The following WDR54 variants were observed in gnomAD, a reference collection of about 807,000 sequenced individuals.
WDR54 encodes the protein WD repeat-containing protein 54.
Under a neutral mutation model 44.1 loss-of-function variants are expected in WDR54, and 44 were observed. That is an observed-to-expected ratio of 1.00 (90% CI 0.78 to 1.28). The LOEUF (loss-of-function observed/expected upper bound fraction) is 1.28. Among genes scored for constraint, WDR54 ranks in the 50% most tolerant of loss-of-function variants. The pLI is 0.00. For synonymous variants in WDR54, 169 were observed against 169.8 expected, an observed-to-expected ratio of 1.00 and a Z score of 0.04; for missense variants, 409 against 429.7, an observed-to-expected ratio of 0.95 and a Z score of 0.43.
Position 74,424,895 on chromosome 2 carries a change from G to A in WDR54, c.555G>A (p.Val185=). ...TTCAGGATTGTGTGGCTGACATGGT[G>A]ACGGCAGATGACTCAGGCTTGCTGT... The part of the protein sequence containing the change: ...AQGQDCVADM[V]TADDSGLLCV... Residue 185 remains valine, a synonymous_variant, in exon 7 of 10, where the codon GTG becomes GTA. Transcript: ENST00000348227. 1 of 1,614,210 alleles carries A rather than the reference G, an allele frequency of 6.2e-7. No individual in the cohort carries two copies. Among genetic ancestry groups the A allele is most frequent in the Non-Finnish European group, 8.5e-7 (1 of 1,180,034 alleles).
chr2:74,422,888 C>T lies in WDR54; in HGVS notation c.241C>T (p.Pro81Ser). ...CCTCCAGGTCCACTGGTGTGTCCTC[C>T]CCTTCCGAGTGCTGCTGGTACTCAC... is the stretch of plus-strand genomic sequence containing the variant. Reference protein sequence around the residue: ...LITQVHWCVLPFRVLLVLTSH... With the variant: ...LITQVHWCVLSFRVLLVLTSH... The change falls in exon 3 of 10, where the codon CCC (proline) becomes TCC (serine). Residue 81 changes from proline (P) to serine (S), a missense_variant. By Grantham distance (74) the Pro-to-Ser change is moderately conservative. Transcript: ENST00000348227. 6.2e-7 allele frequency: 1 copy of T among 1,614,096 alleles called. No individual in the cohort carries two copies. Among genetic ancestry groups the T allele is most frequent in the Non-Finnish European group, 8.5e-7 (1 of 1,180,024 alleles).
intron 6 of WDR54, among the ~76,000 whole-genome samples, chr2:74,424,624 A>C (rs1352485982): frequency 6.6e-6 from 1 of 152,152 alleles, no homozygotes; most frequent in Non-Finnish European, 1.5e-5. Flanking sequence ...CAGTGAGGCA[A>C]TTATGCACCC....
At chr2:74,423,298 G>A in intron 3 of WDR54, 21 bp from the exon 4 acceptor site, 1 of 1,612,876 alleles carries the variant, frequency 6.2e-7, no homozygotes, top group Non-Finnish European at 8.5e-7. Context: ...ATGCCCCCTG[G>A]TTCTTGCCCC....
At chr2:74,423,640 A>C in intron 5 of WDR54, 109 bp downstream of exon 5, 3 of 1,501,120 alleles carry the variant, frequency 2.0e-6, no homozygotes, top group Non-Finnish European at 2.7e-6. Context: ...GAAGGGTGGA[A>C]GTGGAGTGGA....
In WDR54 at chr2:74,424,887, G is replaced by A. The variant is rs148197648; in HGVS notation, c.547G>A (p.Asp183Asn). 1.1e-5 allele frequency: 18 copies of A among 1,614,078 alleles called. No individual in the cohort carries two copies. The African/African-American group carries it at 2.4e-4, about 22-fold the overall frequency. The change falls in exon 7 of 10, where the codon GAC becomes AAC. Residue 183 changes from aspartate (D) to asparagine (N), a missense_variant. Transcript: ENST00000348227. ...EPAQGQDCVA[D>N]MVTADDSGLL... ...CCTTTCCCTTCAGGATTGTGTGGCT[G>A]ACATGGTGACGGCAGATGACTCAGG... is the stretch of plus-strand genomic sequence containing the variant.
At position 74,423,949 on chromosome 2, in the gene WDR54, C is replaced by T. The variant is rs762712303; in HGVS notation, c.501C>T (p.Ile167=). 3.7e-6 allele frequency: 6 copies of T among 1,614,134 alleles called. No individual in the cohort carries two copies. Among genetic ancestry groups the T allele is most frequent in the Non-Finnish European group, 5.1e-6 (6 of 1,180,026 alleles). Residue 167 remains isoleucine, a synonymous_variant, in exon 6 of 10, where the codon ATC becomes ATT. Coordinates refer to ENST00000348227, the MANE Select transcript of WDR54 (RefSeq NM_032118.4). ...SEELAGHQMP[I]TDIATEPAQG... ...AGCTGGCTGGGCACCAGATGCCAATCACAGACATTGCCACCGAGCCTGCCC... is the reference window on the plus strand; with the variant it reads ...AGCTGGCTGGGCACCAGATGCCAATTACAGACATTGCCACCGAGCCTGCCC...
chr2:74,422,060 C>T, intron 1 of WDR54, 93 bp from the exon 2 acceptor site: 1 of 1,322,122 alleles, frequency 7.6e-7, no homozygotes, highest in Non-Finnish European at 1.1e-6. Flanking sequence ...CAGTCTCAGG[C>T]ATCTTCCGAA....
At chr2:74,425,370 A>T in intron 8 of WDR54, 47 bp from the exon 9 acceptor site, 1 of 1,610,726 alleles carries the variant, frequency 6.2e-7, no homozygotes, top group Non-Finnish European at 8.5e-7. Context: ...TCCAGCTTAT[A>T]GCTGTCCCGT....
Position 74,422,283 on chromosome 2 carries a change from C to T in WDR54, c.130C>T (p.Leu44Phe), listed in dbSNP as rs999059111. Residue 44 changes from leucine to phenylalanine, a missense_variant, in exon 2 of 10, where the codon CTT (leucine) becomes TTT (phenylalanine). Physicochemically the swap from Leu to Phe is conservative, Grantham distance 22. Coordinates refer to ENST00000348227, the MANE Select transcript of WDR54 (RefSeq NM_032118.4). ...FGVVHGPSAQ[L>F]LSAAPEGVPL... The stretch of plus-strand genomic sequence containing the variant: ...CGTGGTTCATGGACCAAGCGCCCAG[C>T]TTCTCAGCGCTGCTCCTGAGGGTGT... The T allele has an allele frequency of 2.5e-6, 4 of 1,614,220 alleles. No individual in the cohort carries two copies. Among genetic ancestry groups the T allele is most frequent in the Admixed American group, 3.3e-5 (2 of 60,034 alleles).
intron 6 of WDR54, 67 bp from the exon 7 acceptor site, chr2:74,424,808 C>T: frequency 1.3e-6 from 2 of 1,597,406 alleles, no homozygotes; most frequent in Non-Finnish European, 1.7e-6. Context: ...CTCCCTTCCC[C>T]TCCTGCCCTG....
chr2:74,425,610 T>C lies in WDR54; in HGVS notation c.914T>C (p.Leu305Pro), dbSNP rs1417680900. Residue 305 changes from leucine to proline, a missense_variant, in exon 10 of 10, where the codon CTG (leucine) becomes CCG (proline). Leu to Pro is a moderately conservative substitution (Grantham distance 98). Coordinates refer to ENST00000348227, the MANE Select transcript of WDR54 (RefSeq NM_032118.4). ...GGTGAGTGTGTCGCCGACACCCAGCTGTGTGGTGCTCGATTTTGTGATTCC... is the reference window on the plus strand; with the variant it reads ...GGTGAGTGTGTCGCCGACACCCAGCCGTGTGGTGCTCGATTTTGTGATTCC... ...CHGECVADTQ[L>P]CGARFCDSSG... 6.2e-7 allele frequency: 1 copy of C among 1,614,220 alleles called. No homozygotes were observed. The highest frequency in any genetic ancestry group is 1.1e-5 in the South Asian group (1 of 91,088).
chr2:74,424,144 C>T (rs1670250939), intron 6 of WDR54, among the ~76,000 whole-genome samples, 162 bp downstream of exon 6: 1 of 152,244 alleles, frequency 6.6e-6, no homozygotes, highest in Non-Finnish European at 1.5e-5. Flanking sequence ...GCCAGAGATA[C>T]TTTACATTTA....
rs770652827 is a variant in WDR54, at chr2:74,425,068, C to G, written c.636-7C>G. 11 of 1,609,602 alleles carry G rather than the reference C, an allele frequency of 6.8e-6. No individual in the cohort carries two copies. Among genetic ancestry groups the G allele is most frequent in the Non-Finnish European group, 9.4e-6 (11 of 1,176,422 alleles). ...GGGCAAAACAAAGTTGGGTGTCACC[C>G]TTGCAGAGTTCCGTGCCCCTCTGTG... On this transcript the variant is annotated splice_polypyrimidine_tract_variant and splice_region_variant and intron_variant, in intron 7 of 9. Coordinates refer to ENST00000348227, the MANE Select transcript of WDR54 (RefSeq NM_032118.4).
At chr2:74,425,024 G>C in intron 7 of WDR54, 49 bp downstream of exon 7, 1 of 1,614,092 alleles carries the variant, frequency 6.2e-7, no homozygotes, top group Non-Finnish European at 8.5e-7. Flanking sequence ...GCTTCAGGCT[G>C]GGGAGTAGGA....
In WDR54 at chr2:74,422,867, C is replaced by T. The variant is rs968290835; in HGVS notation, c.223-3C>T. 1 of 1,613,944 alleles carries T rather than the reference C, an allele frequency of 6.2e-7. No homozygotes were observed. The highest frequency in any genetic ancestry group is 8.5e-7 in the Non-Finnish European group (1 of 1,179,842). On this transcript the variant is annotated splice_polypyrimidine_tract_variant and splice_region_variant and intron_variant, in intron 2 of 9. Coordinates refer to ENST00000348227, the MANE Select transcript of WDR54 (RefSeq NM_032118.4). The stretch of plus-strand genomic sequence containing the variant: ...CTCCCTACACTGATGCACCTCCCTC[C>T]AGGTCCACTGGTGTGTCCTCCCCTT...
chr2:74,425,283 G>T, intron 8 of WDR54, 46 bp downstream of exon 8: 1 of 1,537,058 alleles, frequency 6.5e-7, no homozygotes, highest in South Asian at 1.3e-5. Context: ...CCTGGCAGTG[G>T]AATGTTGAGA....
In WDR54 at chr2:74,424,959, C is replaced by T. The variant is rs150243972; in HGVS notation, c.619C>T (p.Arg207Cys). The T allele has an allele frequency of 3.1e-3, 4,925 of 1,614,192 alleles. 210 individuals are homozygous for T. In the Admixed American group the frequency reaches 0.076, roughly 25 times the overall value. ...AGGGCCAGAATTCACATTATTGACC[C>T]GCATTCCAGGATTTGGGTAGGTGAG... ...RSGPEFTLLT[R>C]IPGFGVPCPS... Residue 207 changes from arginine (R) to cysteine (C), a missense_variant, in exon 7 of 10, where the codon CGC becomes TGC. Transcript: ENST00000348227.
rs1255375341 is a variant in WDR54, at chr2:74,423,359, C to T, written c.326C>T (p.Ala109Val). ...SNGYTMVYWH[A>V]LDSGDASPVQ... The stretch of plus-strand genomic sequence containing the variant: ...GGCTACACCATGGTCTACTGGCATG[C>T]ACTGGACTCTGGAGATGCCTCCCCA... The change falls in exon 4 of 10, where the codon GCA (alanine) becomes GTA (valine). Residue 109 changes from alanine to valine, a missense_variant. By Grantham distance (64) the Ala-to-Val change is moderately conservative (BLOSUM62 0). Coordinates refer to ENST00000348227, the MANE Select transcript of WDR54 (RefSeq NM_032118.4). 1 of 1,613,992 alleles carries T rather than the reference C, an allele frequency of 6.2e-7. No homozygotes were observed. Among genetic ancestry groups the T allele is most frequent in the African/African-American group, 1.3e-5 (1 of 74,918 alleles).
chr2:74,422,849 C>T (rs768792999), intron 2 of WDR54, 21 bp from the exon 3 acceptor site: 3 of 1,599,174 alleles, frequency 1.9e-6, no homozygotes, highest in Non-Finnish European at 2.6e-6. Flanking sequence ...TTTCTCCCTA[C>T]ACTGATGCAC....
Sources: gnomAD v4.1 joint callset for allele counts (sites outside exome capture counted in the v4.1 genomes callset) on GRCh38, gnomAD v4.1.1 for gene constraint, MANE v1.5 for transcripts, NCBI Gene and HGNC (gene_info 2026-07-23, HGNC 2026-07-21) for gene names.